Variants in CILK1 observed in about 807,000 individuals in gnomAD.
The protein encoded by CILK1 is serine/threonine-protein kinase ICK.
A neutral mutation model predicts 79.2 loss-of-function variants in CILK1; 47 were observed. The observed-to-expected ratio is 0.59, with a 90% confidence interval of 0.47 to 0.76. The LOEUF (loss-of-function observed/expected upper bound fraction) is 0.76, where lower values mean the gene tolerates loss of function less well. Among genes scored for constraint, CILK1 ranks in the 30% least tolerant of loss-of-function variants. The probability of loss-of-function intolerance (pLI) is 0.00; values close to 1 mark genes in which losing one functional copy is unlikely to be tolerated. For synonymous variants in CILK1, 266 were observed against 275.9 expected, an observed-to-expected ratio of 0.96 and a Z score of 0.36; for missense variants, 660 against 769.5, an observed-to-expected ratio of 0.86 and a Z score of 1.68.
chr6:53,014,143 T>C (rs1168813997), intron 8 of CILK1, among the ~76,000 whole-genome samples, 161 bp from the exon 9 acceptor site: 1 of 152,186 alleles, frequency 6.6e-6, no homozygotes, highest in Non-Finnish European at 1.5e-5. Context: ...ATTTTTCTTA[T>C]CTAAGATACC....
At chr6:53,007,681 G>C (rs1337841392) in intron 12 of CILK1, among the ~76,000 whole-genome samples, 1 of 151,992 alleles carries the variant, frequency 6.6e-6, no homozygotes, top group South Asian at 2.1e-4. Flanking sequence ...TGTAATCCCA[G>C]CACAATGGGA....
At chr6:53,043,172 T>C (rs1766822561) in intron 1 of CILK1, among the ~76,000 whole-genome samples, 1 of 151,640 alleles carries the variant, frequency 6.6e-6, no homozygotes. Flanking sequence ...AAAAATTAGC[T>C]GGGTGTGGTG....
chr6:53,010,231 G>A (rs1764489482), intron 11 of CILK1, among the ~76,000 whole-genome samples: 1 of 152,284 alleles, frequency 6.6e-6, no homozygotes, highest in Middle Eastern at 3.4e-3. Flanking sequence ...GGGCCTGTCA[G>A]GCCAATCTTC....
At chr6:53,060,324 C>G (rs1376363218) in intron 1 of CILK1, among the ~76,000 whole-genome samples, 1 of 152,180 alleles carries the variant, frequency 6.6e-6, no homozygotes, top group Non-Finnish European at 1.5e-5. Flanking sequence ...TCTACCTAAT[C>G]AGACAGGCTC....
Position 53,013,698 on chromosome 6 carries a change from C to A in CILK1, c.1116G>T (p.Leu372Phe). The A allele has an allele frequency of 6.3e-7, 1 of 1,584,212 alleles. No individual in the cohort carries two copies. The highest frequency in any genetic ancestry group is 1.1e-5 in the South Asian group (1 of 90,204). ...GCTTGTTGTGGAGGGATGGGAAAAG[C>A]AACGGGCTTGGCTTGTCCTCCTGGA... ...SHLQEDKPSP[L>F]LFPSLHNKHP... The change falls in exon 9 of 14, where the codon TTG becomes TTT. Residue 372 changes from leucine to phenylalanine, a missense_variant. By Grantham distance (22) the Leu-to-Phe change is conservative. Coordinates refer to ENST00000676107, the MANE Select transcript of CILK1 (RefSeq NM_014920.5).
chr6:53,059,053 T>G (rs1768187204), intron 1 of CILK1, among the ~76,000 whole-genome samples: 1 of 152,148 alleles, frequency 6.6e-6, no homozygotes, highest in Admixed American at 6.5e-5. Flanking sequence ...AGGATAATAC[T>G]TACTAAGGAT....
At chr6:53,046,348 C>G (rs915155408) in intron 1 of CILK1, among the ~76,000 whole-genome samples, 4 of 152,100 alleles carry the variant, frequency 2.6e-5, no homozygotes, top group African/African-American at 9.7e-5. Flanking sequence ...AATAATAAAG[C>G]CTTTTTTGGA....
intron 3 of CILK1, among the ~76,000 whole-genome samples, chr6:53,035,351 G>A (rs1766258901): frequency 2.0e-5 from 3 of 149,814 alleles, no homozygotes; most frequent in South Asian, 4.3e-4. Flanking sequence ...GGGAAGGAGG[G>A]GGAAATTGTT....
chr6:53,017,640 T>C (rs772774304), intron 7 of CILK1, among the ~76,000 whole-genome samples: 3 of 152,028 alleles, frequency 2.0e-5, no homozygotes, highest in Non-Finnish European at 4.4e-5. Flanking sequence ...AGAGTGAAAA[T>C]ACTTCAAGGC....
At chr6:53,013,530 T>A in intron 9 of CILK1, 132 bp downstream of exon 9, 1 of 865,502 alleles carries the variant, frequency 1.2e-6, no homozygotes, top group Non-Finnish European at 1.8e-6. Flanking sequence ...TCTTTACAAT[T>A]CCATGCTGTT....
At chr6:53,055,739 T>C (rs1767808033) in intron 1 of CILK1, among the ~76,000 whole-genome samples, 1 of 152,136 alleles carries the variant, frequency 6.6e-6, no homozygotes, top group South Asian at 2.1e-4. Context: ...TCTCTTACAA[T>C]ATAAAAGGTG....
At chr6:53,041,776 G>A (rs1766724936) in intron 1 of CILK1, among the ~76,000 whole-genome samples, 1 of 152,164 alleles carries the variant, frequency 6.6e-6, no homozygotes, top group Admixed American at 6.5e-5. Context: ...TGAGTGTAGG[G>A]TGGGTGTGTG....
chr6:53,015,162 T>C (rs1045761310), intron 8 of CILK1, among the ~76,000 whole-genome samples: 1 of 152,242 alleles, frequency 6.6e-6, no homozygotes, highest in African/African-American at 2.4e-5. Context: ...AATATCCTCA[T>C]CACTCTTCTT....
At chr6:53,017,036 T>C (rs1035769925) in intron 7 of CILK1, among the ~76,000 whole-genome samples, 3 of 152,348 alleles carry the variant, frequency 2.0e-5, no homozygotes, top group Non-Finnish European at 4.4e-5. Context: ...AGAGTATTAC[T>C]GTTCTTAAAA....
chr6:53,044,532 A>C (rs1459880549), intron 1 of CILK1, among the ~76,000 whole-genome samples: 1 of 152,226 alleles, frequency 6.6e-6, no homozygotes, highest in East Asian at 1.9e-4. Context: ...TGATGTATGC[A>C]ATTTATTCTC....
In CILK1 at chr6:53,014,162, T is replaced by C. The variant is rs569005226; in HGVS notation, c.832-180A>G. Among the ~76,000 whole-genome samples, 4 of 152,360 alleles carry C rather than the reference T, an allele frequency of 2.6e-5. No homozygotes were observed. In the East Asian group the frequency reaches 7.7e-4, roughly 29 times the overall value. ...TTCTTATCTAAGATACCATAAAATA[T>C]ATGTAATGATTGCAACACAAAGTTA... On this transcript the variant is annotated intron_variant, in intron 8 of 13. Transcript: ENST00000676107.
chr6:53,021,376 C>T (rs540201031), intron 5 of CILK1, among the ~76,000 whole-genome samples: 1 of 152,240 alleles, frequency 6.6e-6, no homozygotes, highest in East Asian at 1.9e-4. Flanking sequence ...TCTCTTTCTA[C>T]TTTCTCACTG....
At chr6:53,047,877 C>G (rs1312714905) in intron 1 of CILK1, among the ~76,000 whole-genome samples, 1 of 151,472 alleles carries the variant, frequency 6.6e-6, no homozygotes, top group African/African-American at 2.4e-5. Context: ...GGACAATGTA[C>G]AGAGATGTGG....
intron 1 of CILK1, among the ~76,000 whole-genome samples, chr6:53,041,845 C>T (rs1224626149): frequency 1.3e-5 from 2 of 151,968 alleles, no homozygotes; most frequent in Non-Finnish European, 2.9e-5. Flanking sequence ...CCCTAAGCTG[C>T]TGGGATAGGC....
Sources: allele counts gnomAD v4.1 joint callset (sites outside exome capture counted in the v4.1 genomes callset), GRCh38; gene constraint gnomAD v4.1.1; transcripts MANE v1.5; gene names NCBI Gene and HGNC (gene_info 2026-07-23, HGNC 2026-07-21).